Variants in NHLRC2 observed in about 807,000 individuals in gnomAD.
The protein encoded by NHLRC2 is NHL repeat containing 2.
Under a neutral mutation model 68.1 loss-of-function variants are expected in NHLRC2, and 33 were observed. The observed-to-expected ratio is 0.48, with a 90% CI of 0.37 to 0.65. The LOEUF is 0.65. NHLRC2 is among the 30% of genes least tolerant of loss of function. NHLRC2 has a pLI of 0.00. For missense variants in NHLRC2, 761 were observed against 853.8 expected, an observed-to-expected ratio of 0.89 and a Z score of 1.35; for synonymous variants, 311 against 309.6, an observed-to-expected ratio of 1.00 and a Z score of -0.05.
intron 1 of NHLRC2, 140 bp downstream of exon 1, chr10:113,855,190 C>T (rs907853741): frequency 1.3e-6 from 1 of 763,742 alleles, no homozygotes; most frequent in Non-Finnish European, 2.2e-6. Flanking sequence ...ACTTGGGCCG[C>T]TGTTCGCGTG....
chr10:113,858,872 T>C (rs1329396233), intron 2 of NHLRC2, 192 bp downstream of exon 2: 2 of 403,436 alleles, frequency 5.0e-6, no homozygotes, highest in Non-Finnish European at 8.8e-6. Context: ...GTGGTTTGCC[T>C]ATCTAAAGAA....
Position 113,884,323 on chromosome 10 carries a change from G to A in NHLRC2, c.982G>A (p.Ala328Thr). Reference protein sequence around the residue: ...GIQGTDKEGGAKGEQQPISSP... With the variant: ...GIQGTDKEGGTKGEQQPISSP... ...TCAAGGTACAGATAAAGAAGGTGGA[G>A]CAAAAGGAGAACAACAACCCATTAG... The change falls in exon 5 of 11, where the codon GCA (alanine) becomes ACA (threonine). Residue 328 changes from alanine to threonine, a missense_variant. By Grantham distance (58) the Ala-to-Thr change is moderately conservative. Coordinates refer to ENST00000369301, the MANE Select transcript of NHLRC2 (RefSeq NM_198514.4). The A allele has an allele frequency of 1.9e-6, 3 of 1,610,768 alleles. No homozygotes were observed. The highest frequency in any genetic ancestry group is 2.5e-6 in the Non-Finnish European group (3 of 1,177,504).
intron 1 of NHLRC2, among the ~76,000 whole-genome samples, chr10:113,855,270 C>T (rs1033612433): frequency 6.6e-6 from 1 of 152,218 alleles, no homozygotes; most frequent in Non-Finnish European, 1.5e-5. Context: ...TCCACATACT[C>T]GTCTGTGTAT....
At chr10:113,871,906 A>T (rs1402627110) in intron 2 of NHLRC2, among the ~76,000 whole-genome samples, 1 of 152,184 alleles carries the variant, frequency 6.6e-6, no homozygotes. Flanking sequence ...CTAAATTCCC[A>T]TAAAGGTTCT....
chr10:113,871,744 A>G (rs950654316), intron 2 of NHLRC2, among the ~76,000 whole-genome samples: 3 of 152,290 alleles, frequency 2.0e-5, no homozygotes, highest in Admixed American at 6.5e-5. Context: ...GATGGTGGCT[A>G]CCTGATCTTG....
chr10:113,880,022 T>C (rs547200962), intron 4 of NHLRC2, among the ~76,000 whole-genome samples: 1 of 152,214 alleles, frequency 6.6e-6, no homozygotes, highest in East Asian at 1.9e-4. Flanking sequence ...TCAGTTGAAT[T>C]TTCTCAAACT....
intron 1 of NHLRC2, among the ~76,000 whole-genome samples, chr10:113,855,857 T>G (rs1449203307): frequency 6.6e-6 from 1 of 152,162 alleles, no homozygotes; most frequent in Non-Finnish European, 1.5e-5. Flanking sequence ...AGATATTACC[T>G]TATTCAATTA....
rs533590117 is a variant in NHLRC2, at chr10:113,915,681, G to T, written c.*7145G>T. The T allele has an allele frequency of 4.9e-6, 1 of 205,596 alleles. No individual in the cohort carries two copies. Among genetic ancestry groups the T allele is most frequent in the Admixed American group, 5.4e-5 (1 of 18,364 alleles). 12.7% of individuals were successfully genotyped at this position (205,596 alleles called of 1,614,324 possible). Reference sequence around the variant, plus strand: ...GATAGGGTCTTGCTGTGTTGCCCAGGCTAGAGTGCAGCAGTGACATGATCA... The same window carrying T: ...GATAGGGTCTTGCTGTGTTGCCCAGTCTAGAGTGCAGCAGTGACATGATCA... On this transcript the variant is annotated 3_prime_UTR_variant, in exon 11 of 11. Coordinates refer to ENST00000369301, the MANE Select transcript of NHLRC2 (RefSeq NM_198514.4).
At chr10:113,908,107 T>C (rs990661835) in intron 10 of NHLRC2, among the ~76,000 whole-genome samples, 173 bp from the exon 11 acceptor site, 1 of 152,202 alleles carries the variant, frequency 6.6e-6, no homozygotes, top group African/African-American at 2.4e-5. Flanking sequence ...GAACTTCTAA[T>C]GAGTGGTCAG....
At chr10:113,896,459 T>C (rs548677463) in intron 5 of NHLRC2, among the ~76,000 whole-genome samples, 19 of 134,834 alleles carry the variant, frequency 1.4e-4, no homozygotes, top group Non-Finnish European at 2.3e-4. Context: ...AGGTGGGAAT[T>C]GAACAATGAG....
At chr10:113,894,635 CTT>C (rs1375973807) in intron 5 of NHLRC2, among the ~76,000 whole-genome samples, 9 of 151,594 alleles carry the variant, frequency 5.9e-5, no homozygotes, top group African/African-American at 2.2e-4. Flanking sequence ...TAGTAGGTAT[CTT>C]TGTCTCATTT....
At chr10:113,891,282 A>C (rs1393527943) in intron 5 of NHLRC2, among the ~76,000 whole-genome samples, 1 of 152,148 alleles carries the variant, frequency 6.6e-6, no homozygotes, top group African/African-American at 2.4e-5. Context: ...TTAACATACT[A>C]TGCATAGTTA....
In NHLRC2 at chr10:113,902,464, A is replaced by T; in HGVS notation, c.1372-7A>T. On this transcript the variant is annotated splice_polypyrimidine_tract_variant and splice_region_variant and intron_variant, in intron 7 of 10. Transcript: ENST00000369301. ...TGCTGTTTCTTTTCTTTTAAAAAAA[A>T]TTAAAGAATTTATTTGCTTTTGGTG... 1 of 1,543,768 alleles carries T rather than the reference A, an allele frequency of 6.5e-7. No individual in the cohort carries two copies. The highest frequency in any genetic ancestry group is 8.7e-7 in the Non-Finnish European group (1 of 1,144,730).
Position 113,908,547 on chromosome 10 carries a change from A to C in NHLRC2, c.*11A>C, listed in dbSNP as rs1846295578. 6.2e-7 allele frequency: 1 copy of C among 1,613,438 alleles called. No homozygotes were observed. The highest frequency in any genetic ancestry group is 1.3e-5 in the African/African-American group (1 of 74,938). ...AGGTATGTATTTTAGCCAGCCAGCT[A>C]GCTAGCAACCCATTGCCACCACCTA... On this transcript the variant is annotated 3_prime_UTR_variant, in exon 11 of 11. Coordinates refer to ENST00000369301, the MANE Select transcript of NHLRC2 (RefSeq NM_198514.4).
chr10:113,896,656 T>G (rs2134730311), intron 5 of NHLRC2, among the ~76,000 whole-genome samples: 1 of 151,954 alleles, frequency 6.6e-6, no homozygotes, highest in East Asian at 1.9e-4. Flanking sequence ...CCCTAAAACT[T>G]AAAGTGTAAT....
rs1248405047 is a variant in NHLRC2, at chr10:113,902,514, C to T, written c.1415C>T (p.Ala472Val). 1.1e-5 allele frequency: 17 copies of T among 1,604,522 alleles called. No homozygotes were observed. The highest frequency in any genetic ancestry group is 1.4e-5 in the Non-Finnish European group (17 of 1,174,602). Residue 472 changes from alanine to valine, a missense_variant, in exon 8 of 11, where the codon GCA becomes GTA. By Grantham distance (64) the Ala-to-Val change is moderately conservative. Transcript: ENST00000369301. ...GATGTTGATGGAGTAGGAATCAATGCAAAGCTTCAACACCCCCTTGGAGTA... is the reference window on the plus strand; with the variant it reads ...GATGTTGATGGAGTAGGAATCAATGTAAAGCTTCAACACCCCCTTGGAGTA... ...FGDVDGVGIN[A>V]KLQHPLGVTW...
At chr10:113,878,867 T>A (rs558772817) in intron 3 of NHLRC2, among the ~76,000 whole-genome samples, 5 of 152,228 alleles carry the variant, frequency 3.3e-5, no homozygotes, top group African/African-American at 1.2e-4. Flanking sequence ...CACTACCTTT[T>A]TATGGTTGCC....
intron 3 of NHLRC2, 114 bp downstream of exon 3, chr10:113,877,090 A>C: frequency 1.7e-6 from 1 of 605,896 alleles, no homozygotes; most frequent in Middle Eastern, 4.5e-4. Context: ...AAAGTGATAT[A>C]CATTGACTTA....
rs1845783307 is a variant in NHLRC2, at chr10:113,858,515, A to G, written c.179-13A>G. 1.9e-6 allele frequency: 3 copies of G among 1,556,140 alleles called. No individual in the cohort carries two copies. Among genetic ancestry groups the G allele is most frequent in the Non-Finnish European group, 1.8e-6 (2 of 1,138,234 alleles). ...CTCTTTAATCATTGTAATTTATTTT[A>G]TGTAAATTTCAGGATTAGAATGGCT... On this transcript the variant is annotated splice_polypyrimidine_tract_variant and intron_variant, in intron 1 of 10. Coordinates refer to ENST00000369301, the MANE Select transcript of NHLRC2 (RefSeq NM_198514.4).
Sources: gnomAD v4.1 joint callset for allele counts (sites outside exome capture counted in the v4.1 genomes callset) on GRCh38, gnomAD v4.1.1 for gene constraint, MANE v1.5 for transcripts, NCBI Gene and HGNC (gene_info 2026-07-23, HGNC 2026-07-21) for gene names.